IFT57: variants seen among roughly 807,000 people sequenced by gnomAD.
IFT57 encodes the protein intraflagellar transport protein 57 homolog.
IFT57 carries 59 observed loss-of-function variants against 56.8 expected under a neutral mutation model. That is an observed-to-expected ratio of 1.04 (90% CI 0.84 to 1.29). The LOEUF (loss-of-function observed/expected upper bound fraction) is 1.29. IFT57 is among the 50% of genes most tolerant of loss of function. The pLI, the probability that IFT57 is intolerant of heterozygous loss-of-function variation, is 0.00. For synonymous variants in IFT57, 209 were observed against 186.1 expected (o/e 1.12, Z -1.00); for missense variants, 470 against 522.1 (o/e 0.90, Z 0.97).
chr3:108,188,483 C>T (rs1436993815), intron 6 of IFT57, among the ~76,000 whole-genome samples: 2 of 151,976 alleles, frequency 1.3e-5, no homozygotes, highest in South Asian at 2.1e-4. Context: ...AAAAAGCAAT[C>T]GAATATGACT....
chr3:108,217,907 A>C (rs2107222714), intron 3 of IFT57, among the ~76,000 whole-genome samples: 1 of 152,074 alleles, frequency 6.6e-6, no homozygotes, highest in South Asian at 2.1e-4. Flanking sequence ...AACATCTAAG[A>C]TACACCAAGC....
chr3:108,170,206 A>G (rs2080085573), intron 6 of IFT57, among the ~76,000 whole-genome samples: 1 of 152,116 alleles, frequency 6.6e-6, no homozygotes, highest in South Asian at 2.1e-4. Context: ...AGGAAGTCAA[A>G]TTGTCTCTGT....
chr3:108,171,821 G>T (rs1231936554), intron 6 of IFT57, among the ~76,000 whole-genome samples: 2 of 151,622 alleles, frequency 1.3e-5, no homozygotes, highest in African/African-American at 4.8e-5. Flanking sequence ...TACTCATCCT[G>T]CCTGGTTCCA....
At chr3:108,209,451 G>A (rs1488686470) in intron 4 of IFT57, among the ~76,000 whole-genome samples, 1 of 152,168 alleles carries the variant, frequency 6.6e-6, no homozygotes, top group East Asian at 1.9e-4. Context: ...TTAAGAAGAT[G>A]TACATGGATG....
At chr3:108,178,983 T>C (rs966981421) in intron 6 of IFT57, among the ~76,000 whole-genome samples, 2 of 151,766 alleles carry the variant, frequency 1.3e-5, no homozygotes, top group Non-Finnish European at 2.9e-5. Context: ...AGAAGAATTT[T>C]CATAGCAGCA....
chr3:108,162,953 ATTT>A (rs1479450759), intron 10 of IFT57, among the ~76,000 whole-genome samples: 2 of 152,016 alleles, frequency 1.3e-5, no homozygotes, highest in African/African-American at 2.4e-5. Flanking sequence ...GAGCTAGTAT[ATTT>A]GTCTGTAGGA....
chr3:108,200,738 T>C (rs958628), intron 5 of IFT57, among the ~76,000 whole-genome samples: 69,019 of 151,938 alleles, frequency 0.45, 16,130 homozygotes, highest in Middle Eastern at 0.55. Context: ...TCAATAATAA[T>C]CCACGTGACA....
intron 8 of IFT57, 52 bp downstream of exon 8, chr3:108,166,802 G>C (rs1311149438): frequency 1.3e-6 from 2 of 1,495,304 alleles, no homozygotes; most frequent in Non-Finnish European, 9.1e-7. Flanking sequence ...GTCAAGTTTA[G>C]GGTTTAGGGT....
Position 108,185,374 on chromosome 3 carries a change from G to A in IFT57, c.777+6147C>T, listed in dbSNP as rs189413651. On this transcript the variant is annotated intron_variant, in intron 6 of 10. Transcript: ENST00000264538. ...TTTAAGAAATGTCAAGATAACAGGA[G>A]ACTCAGCTTCTGATGACTAAATGGC... 9.3e-4 allele frequency among the ~76,000 whole-genome samples: 141 copies of A among 152,176 alleles called. 1 individual carries two copies. The Middle Eastern group carries it at 0.01, about 11-fold the overall frequency.
intron 5 of IFT57, among the ~76,000 whole-genome samples, chr3:108,192,937 A>C (rs1229283519): frequency 6.6e-6 from 1 of 152,176 alleles, no homozygotes; most frequent in African/African-American, 2.4e-5. Context: ...ACTATGAGGC[A>C]AAGAAAAAAA....
At chr3:108,208,285 CT>C (rs1230740605) in intron 4 of IFT57, among the ~76,000 whole-genome samples, 3 of 152,154 alleles carry the variant, frequency 2.0e-5, no homozygotes, top group Non-Finnish European at 1.5e-5. Context: ...TGTCAAATGG[CT>C]TAGTCTAGTC....
chr3:108,204,957 G>T (rs895812345), intron 5 of IFT57, among the ~76,000 whole-genome samples: 1 of 152,102 alleles, frequency 6.6e-6, no homozygotes, highest in Non-Finnish European at 1.5e-5. Flanking sequence ...ACTACAAAAC[G>T]ATCTGCAAAT....
intron 4 of IFT57, chr3:108,213,677 T>A: frequency 3.1e-6 from 1 of 324,928 alleles, no homozygotes; most frequent in Non-Finnish European, 5.6e-6. Flanking sequence ...TATTTACTCA[T>A]ATAACTAGTG....
intron 6 of IFT57, among the ~76,000 whole-genome samples, chr3:108,177,284 A>G (rs2080129416): frequency 6.6e-6 from 1 of 151,796 alleles, no homozygotes; most frequent in Non-Finnish European, 1.5e-5. Flanking sequence ...CCAAACATTT[A>G]AGAAATAATT....
At chr3:108,186,067 C>CT (rs758489466) in intron 6 of IFT57, among the ~76,000 whole-genome samples, 60 of 152,166 alleles carry the variant, frequency 3.9e-4, no homozygotes, top group Admixed American at 9.8e-4. Flanking sequence ...TCATAAGGAC[C>CT]TTTAAGTCTT....
intron 6 of IFT57, among the ~76,000 whole-genome samples, chr3:108,174,205 GTTATAA>G (rs1308328563): frequency 1.3e-5 from 2 of 151,510 alleles, no homozygotes; most frequent in Non-Finnish European, 3.0e-5. Flanking sequence ...GTTTAATATA[GTTATAA>G]TGGAAAAAAA....
At chr3:108,219,140 A>G (rs1432790438) in intron 2 of IFT57, among the ~76,000 whole-genome samples, 2 of 151,902 alleles carry the variant, frequency 1.3e-5, no homozygotes, top group East Asian at 3.9e-4. Flanking sequence ...ATCATTTTTT[A>G]GATCAAGAAT....
intron 8 of IFT57, 148 bp downstream of exon 8, chr3:108,166,706 C>A: frequency 1.7e-6 from 1 of 585,312 alleles, no homozygotes; most frequent in Non-Finnish European, 2.8e-6. Context: ...GTTCACTCGG[C>A]TCTCTTGGCT....
intron 4 of IFT57, among the ~76,000 whole-genome samples, chr3:108,210,332 C>T (rs115140275): frequency 4.0e-4 from 43 of 107,978 alleles, no homozygotes; most frequent in East Asian, 4.8e-4. Context: ...CAGAAATAAT[C>T]TTTTTTTTTT....
Sources: allele counts gnomAD v4.1 joint callset (sites outside exome capture counted in the v4.1 genomes callset), GRCh38; gene constraint gnomAD v4.1.1; transcripts MANE v1.5; gene names NCBI Gene and HGNC (gene_info 2026-07-23, HGNC 2026-07-21).